The following PI4KA variants were observed in gnomAD, a reference collection of about 807,000 sequenced individuals.
PI4KA encodes phosphatidylinositol 4-kinase alpha, also known as PI4-kinase alpha.
Under a neutral mutation model 271.4 loss-of-function variants are expected in PI4KA, and 122 were observed. The observed-to-expected ratio is 0.45, with a 90% CI of 0.39 to 0.52. PI4KA has a LOEUF of 0.52. Among genes scored for constraint, PI4KA ranks in the 20% least tolerant of loss-of-function variants. The pLI, the probability that PI4KA is intolerant of heterozygous loss-of-function variation, is 0.00. For synonymous variants in PI4KA, 1,041 were observed against 1,078.8 expected, an observed-to-expected ratio of 0.96 and a Z score of 0.69; for missense variants, 1,969 against 2,769.1, an observed-to-expected ratio of 0.71 and a Z score of 6.48.
intron 23 of PI4KA, among the ~76,000 whole-genome samples, chr22:20,757,289 G>A (rs1224549380): frequency 4.6e-5 from 7 of 152,224 alleles, no homozygotes; most frequent in African/African-American, 4.8e-5. Flanking sequence ...CTGGCTAAGT[G>A]CCACGCTCAG....
At chr22:20,844,775 C>T (rs920869453) in intron 1 of PI4KA, among the ~76,000 whole-genome samples, 1 of 152,130 alleles carries the variant, frequency 6.6e-6, no homozygotes, top group Non-Finnish European at 1.5e-5. Flanking sequence ...TTAATCCTCA[C>T]AACAGCTCAT....
rs763460843 is a variant in PI4KA, at chr22:20,744,621, G to A, written c.3456+7C>T. 35 of 1,610,944 alleles carry A rather than the reference G, an allele frequency of 2.2e-5. No homozygotes were observed. The highest frequency in any genetic ancestry group is 2.6e-5 in the Non-Finnish European group (31 of 1,177,216). ...AAGGCCCTAGGGCGCAAGGACAAGA[G>A]AAGCACCTCGCCCGCGTAGCGGTTG... On this transcript the variant is annotated splice_region_variant and intron_variant, in intron 30 of 54. Coordinates refer to ENST00000255882, the MANE Select transcript of PI4KA (RefSeq NM_058004.4).
chr22:20,798,580 T>C lies in PI4KA; in HGVS notation c.2108+4A>G, dbSNP rs1223228831. 5 of 1,561,722 alleles carry C rather than the reference T, an allele frequency of 3.2e-6. No homozygotes were observed. Among genetic ancestry groups the C allele is most frequent in the Non-Finnish European group, 4.4e-6 (5 of 1,132,178 alleles). ...ATAAAAAAGTGACAATGAGGTCCAG[T>C]TACCTATAGCCGTGGTCCTTGTAAT... is the stretch of plus-strand genomic sequence containing the variant. On this transcript the variant is annotated splice_donor_region_variant and intron_variant, in intron 17 of 54. Transcript: ENST00000255882.
Position 20,751,504 on chromosome 22 carries a change from C to T in PI4KA, c.3070-128G>A, listed in dbSNP as rs370878810. The T allele has an allele frequency of 1.8e-4, 171 of 960,740 alleles. 2 individuals carry two copies. The South Asian group carries it at 2.5e-3, about 14-fold the overall frequency. The allele number at this position is 960,740 out of a possible 1,614,324, so 59.5% of individuals were successfully genotyped here. ...CCTCCATACTTGATGCAACTTATTG[C>T]AAAACACCAGGTGGATTTGGGCCCC... On this transcript the variant is annotated intron_variant, in intron 26 of 54. Coordinates refer to ENST00000255882, the MANE Select transcript of PI4KA (RefSeq NM_058004.4).
chr22:20,834,916 G>T (rs1236718940), intron 2 of PI4KA, among the ~76,000 whole-genome samples: 2 of 152,168 alleles, frequency 1.3e-5, no homozygotes, highest in Non-Finnish European at 1.5e-5. Context: ...GGAGCTGAGG[G>T]TCCAGCCTGC....
At chr22:20,804,278 C>T in intron 12 of PI4KA, 22 bp downstream of exon 12, 3 of 1,554,140 alleles carry the variant, frequency 1.9e-6, no homozygotes, top group Non-Finnish European at 2.7e-6. Flanking sequence ...ATCTGAGCCT[C>T]TCTGGGTTCA....
At chr22:20,721,153 T>A (rs760242247) in intron 43 of PI4KA, 145 bp downstream of exon 43, 29 of 797,048 alleles carry the variant, frequency 3.6e-5, no homozygotes, top group Non-Finnish European at 5.3e-5. Flanking sequence ...TGCTGAAAGG[T>A]GAGAAGTGCC....
At chr22:20,765,309 T>G in intron 20 of PI4KA, 73 bp from the exon 21 acceptor site, 1 of 1,428,572 alleles carries the variant, frequency 7.0e-7, no homozygotes, top group Non-Finnish European at 9.6e-7. Context: ...ACTGACAATT[T>G]CTATAGTCAT....
chr22:20,765,185 G>C lies in PI4KA; in HGVS notation c.2489C>G (p.Ser830Cys), dbSNP rs753908897. The C allele has an allele frequency of 3.1e-6, 5 of 1,613,762 alleles. No individual in the cohort carries two copies. In the Admixed American group the frequency reaches 8.3e-5, roughly 27 times the overall value. The part of the protein sequence containing the change: ...YEGVCEIATK[S>C]PLLTFPSKEP... ...CTTGCTGGGAAAGGTGAGCAAGGGGGACTTAGTGGCTATTTCACAGACCCC... is the reference window on the plus strand; with the variant it reads ...CTTGCTGGGAAAGGTGAGCAAGGGGCACTTAGTGGCTATTTCACAGACCCC... The change falls in exon 21 of 55, where the codon TCC (serine) becomes TGC (cysteine). Residue 830 changes from serine to cysteine, a missense_variant. Ser to Cys is a moderately radical substitution (Grantham distance 112, BLOSUM62 -1). Transcript: ENST00000255882.
chr22:20,759,767 G>A (rs367714432), intron 23 of PI4KA, among the ~76,000 whole-genome samples: 3 of 152,096 alleles, frequency 2.0e-5, no homozygotes, highest in Admixed American at 6.5e-5. Flanking sequence ...GGGTTTCACC[G>A]TGTTAGCCAG....
At chr22:20,708,227 C>T in intron 54 of PI4KA, 129 bp from the exon 55 acceptor site, 1 of 763,350 alleles carries the variant, frequency 1.3e-6, no homozygotes, top group South Asian at 1.4e-5. Flanking sequence ...ACAAATGTCC[C>T]AGGCGTGCCC....
At chr22:20,786,037 G>A in intron 19 of PI4KA, 1 of 1,614,118 alleles carries the variant, frequency 6.2e-7, no homozygotes. Flanking sequence ...AATTCAAGCT[G>A]GAGAAGAACT....
At chr22:20,780,122 C>A (rs768872389) in intron 19 of PI4KA, 2 of 1,614,026 alleles carry the variant, frequency 1.2e-6, no homozygotes, top group Admixed American at 3.3e-5. Context: ...TGAAGCTCAC[C>A]AAGGGCCTCA....
At chr22:20,853,602 CAG>C (rs1174868553) in intron 1 of PI4KA, among the ~76,000 whole-genome samples, 2 of 152,182 alleles carry the variant, frequency 1.3e-5, no homozygotes, top group Non-Finnish European at 2.9e-5. Context: ...AAGGGCTTCA[CAG>C]ACAGAGTGTC....
intron 23 of PI4KA, among the ~76,000 whole-genome samples, chr22:20,757,682 T>C (rs145463198): frequency 7.6e-4 from 116 of 152,236 alleles, no homozygotes; most frequent in African/African-American, 2.6e-3. Context: ...TAGCCAGGAC[T>C]ACAGGCACAC....
intron 3 of PI4KA, among the ~76,000 whole-genome samples, chr22:20,833,657 G>GTTTT (rs361962): frequency 2.2e-4 from 16 of 73,016 alleles, no homozygotes; most frequent in East Asian, 1.6e-3. Flanking sequence ...GTTTGTTTTT[G>GTTTT]TTTTTTTTTT....
chr22:20,845,701 T>A (rs1461154467), intron 1 of PI4KA, among the ~76,000 whole-genome samples: 2 of 152,112 alleles, frequency 1.3e-5, no homozygotes, highest in Non-Finnish European at 2.9e-5. Context: ...CAGAGTTTCA[T>A]TAGAGATGCG....
intron 19 of PI4KA, among the ~76,000 whole-genome samples, chr22:20,790,538 G>C (rs1934560903): frequency 6.6e-6 from 1 of 151,942 alleles, no homozygotes; most frequent in African/African-American, 2.4e-5. Context: ...GTGCACACCT[G>C]TAATTCCAGC....
chr22:20,824,204 T>A, intron 4 of PI4KA, 122 bp downstream of exon 4: 1 of 729,710 alleles, frequency 1.4e-6, no homozygotes, highest in Non-Finnish European at 2.5e-6. Flanking sequence ...GTCAACAGGA[T>A]GAAATAGATA....
Sources: allele counts gnomAD v4.1 joint callset (sites outside exome capture counted in the v4.1 genomes callset), GRCh38; gene constraint gnomAD v4.1.1; transcripts MANE v1.5; gene names NCBI Gene and HGNC (gene_info 2026-07-23, HGNC 2026-07-21).